TESPA1: variants seen among roughly 807,000 people sequenced by gnomAD.
TESPA1 encodes protein TESPA1.
A neutral mutation model predicts 57.9 loss-of-function variants in TESPA1; 33 were observed. That is an observed-to-expected ratio of 0.57 (90% CI 0.43 to 0.76). TESPA1 has a LOEUF of 0.76. Among genes scored for constraint, TESPA1 ranks in the 30% least tolerant of loss-of-function variants. TESPA1 has a pLI of 0.00. For synonymous variants in TESPA1, 227 were observed against 228.9 expected (o/e 0.99, Z 0.07); for missense variants, 618 against 632.9 (o/e 0.98, Z 0.25).
chr12:54,958,273 T>C (rs530262035), intron 10 of TESPA1, among the ~76,000 whole-genome samples: 1 of 152,306 alleles, frequency 6.6e-6, no homozygotes, highest in East Asian at 1.9e-4. Context: ...AAACAACACT[T>C]AAGCAAAGTG....
rs944392546 is a variant in TESPA1 at position 54,962,431 on chromosome 12, C to T, written c.1467G>A (p.Glu489=). 2 of 1,609,016 alleles carry T rather than the reference C, an allele frequency of 1.2e-6. No homozygotes were observed. The highest frequency in any genetic ancestry group is 1.7e-5 in the Admixed American group (1 of 59,954). Residue 489 remains glutamate (E), a splice_region_variant and synonymous_variant, in exon 9 of 11, where the codon GAG becomes GAA. Transcript: ENST00000449076. ...TCTCCCTCACCTCCAACCCACTTAC[C>T]TCCTCCAAGTCAAAAGTGTCCTGTG... ...QQPQDTFDLE[E]VQSNSEEEQS... is the part of the protein sequence containing the mutation.
At chr12:54,959,809 C>T (rs1445564631) in intron 10 of TESPA1, among the ~76,000 whole-genome samples, 3 of 152,210 alleles carry the variant, frequency 2.0e-5, no homozygotes, top group African/African-American at 7.2e-5. Flanking sequence ...TAGCTCCTAA[C>T]ATGCCAGACC....
intron 4 of TESPA1, among the ~76,000 whole-genome samples, chr12:54,967,469 C>A (rs1414806624): frequency 6.6e-6 from 1 of 151,730 alleles, no homozygotes; most frequent in Non-Finnish European, 1.5e-5. Flanking sequence ...TCACCTATAA[C>A]CTTTCCCCTA....
chr12:54,967,360 T>C, intron 4 of TESPA1, 124 bp from the exon 5 acceptor site: 1 of 1,035,008 alleles, frequency 9.7e-7, no homozygotes, highest in South Asian at 1.4e-5. Context: ...AACCAGATAA[T>C]CATACTAGAT....
chr12:54,962,799 C>T lies in TESPA1; in HGVS notation c.1099G>A (p.Glu367Lys). The change falls in exon 9 of 11, where the codon GAA (glutamate) becomes AAA (lysine). Residue 367 changes from glutamate (E) to lysine (K), a missense_variant. Physicochemically the swap from Glu to Lys is moderately conservative, Grantham distance 56 (BLOSUM62 1). Transcript: ENST00000449076. ...PYPCVFCCEE[E>K]TQQRMSTVLA... Reference sequence around the variant, plus strand: ...ACTGTGGACATCCTCTGCTGTGTTTCCTCTTCACAGCAGAAGACACATGGA... The same window carrying T: ...ACTGTGGACATCCTCTGCTGTGTTTTCTCTTCACAGCAGAAGACACATGGA... 1 of 1,613,876 alleles carries T rather than the reference C, an allele frequency of 6.2e-7. No homozygotes were observed. Among genetic ancestry groups the T allele is most frequent in the Non-Finnish European group, 8.5e-7 (1 of 1,179,884 alleles).
chr12:54,956,405 A>G (rs1398976981), intron 10 of TESPA1, among the ~76,000 whole-genome samples: 3 of 152,246 alleles, frequency 2.0e-5, no homozygotes. Flanking sequence ...AAGAACGACA[A>G]AAAAATAAAA....
rs1462602189 is a variant in TESPA1 at position 54,966,097 on chromosome 12, C to G, written c.402G>C (p.Leu134Phe). 3 of 1,578,686 alleles carry G rather than the reference C, an allele frequency of 1.9e-6. No homozygotes were observed. The highest frequency in any genetic ancestry group is 1.4e-5 in the African/African-American group (1 of 73,992). Residue 134 changes from leucine (L) to phenylalanine (F), a missense_variant, in exon 7 of 11, where the codon TTG becomes TTC. By Grantham distance (22) the Leu-to-Phe change is conservative. Coordinates refer to ENST00000449076, the MANE Select transcript of TESPA1 (RefSeq NM_001136030.3). ...TCCCCCCAGTCATGCTGCTGGAAGC[C>G]AAACTACAGCCAAGATCAAGTAGCT... Reference protein sequence around the residue: ...PCQLLDLGCSLASSSMTGGTN... With the variant: ...PCQLLDLGCSFASSSMTGGTN...
At chr12:54,953,663 G>C (rs1370238217) in intron 10 of TESPA1, among the ~76,000 whole-genome samples, 1 of 151,276 alleles carries the variant, frequency 6.6e-6, no homozygotes, top group South Asian at 2.1e-4. Context: ...GGACTACAGG[G>C]ACCCGCCACT....
intron 10 of TESPA1, among the ~76,000 whole-genome samples, chr12:54,954,762 G>T (rs893757455): frequency 6.6e-6 from 1 of 152,144 alleles, no homozygotes. Context: ...ATATTGCAAG[G>T]CTTCCTTTCT....
intron 2 of TESPA1, 119 bp from the exon 3 acceptor site, chr12:54,973,638 T>G: frequency 6.4e-7 from 1 of 1,551,262 alleles, no homozygotes; most frequent in Non-Finnish European, 8.7e-7. Flanking sequence ...TCTTTTTTTC[T>G]ACATAAAGCT....
Position 54,974,481 on chromosome 12 carries a change from C to T in TESPA1, c.82G>A (p.Val28Ile). The T allele has an allele frequency of 6.2e-7, 1 of 1,605,680 alleles. No individual in the cohort carries two copies. Among genetic ancestry groups the T allele is most frequent in the Non-Finnish European group, 8.5e-7 (1 of 1,176,168 alleles). ...GCGGCGGCAGCCTCCTCTTCTAGGA[C>T]CTGGGTCTGCCAGTTACGGCTCTGA... ...LRQSRNWQTQ[V>I]LEEEAAAALQ... Residue 28 changes from valine (V) to isoleucine (I), a missense_variant, in exon 2 of 11, where the codon GTC (valine) becomes ATC (isoleucine). Val to Ile is a conservative substitution (Grantham distance 29, BLOSUM62 3). Coordinates refer to ENST00000449076, the MANE Select transcript of TESPA1 (RefSeq NM_001136030.3).
Position 54,962,719 on chromosome 12 carries a change from A to G in TESPA1, c.1179T>C (p.His393=). 2.5e-6 allele frequency: 4 copies of G among 1,613,924 alleles called. No individual in the cohort carries two copies. The highest frequency in any genetic ancestry group is 3.4e-6 in the Non-Finnish European group (4 of 1,179,882). Residue 393 remains histidine, a synonymous_variant, in exon 9 of 11, where the codon CAT becomes CAC. Transcript: ENST00000449076. The stretch of plus-strand genomic sequence containing the variant: ...ACTGTGGATCTTCTATGGGCAGAGA[A>G]TGTGTGCAACAGGGTACCTTGGGGT... ...DSNPKVPCCT[H]SLPIEDPQWS...
chr12:54,973,403 G>C, intron 3 of TESPA1, 74 bp downstream of exon 3: 1 of 1,598,688 alleles, frequency 6.3e-7, no homozygotes, highest in Non-Finnish European at 8.6e-7. Flanking sequence ...CCGTCTCTGA[G>C]TTTCCAGGAG....
chr12:54,949,708 C>T lies in TESPA1; in HGVS notation c.*684G>A, dbSNP rs563231048. The T allele has an allele frequency of 5.9e-5, 9 of 152,480 alleles. No individual in the cohort carries two copies. Among genetic ancestry groups the T allele is most frequent in the Non-Finnish European group, 1.3e-4 (9 of 68,034 alleles). The allele number at this position is 152,480 out of a possible 1,614,324, so 9.4% of individuals were successfully genotyped here. ...CCCCCACAATGGCTAGGAGAAGAGACTCTGAATCCTACTTATCTCTTTTTC... is the reference window on the plus strand; with the variant it reads ...CCCCCACAATGGCTAGGAGAAGAGATTCTGAATCCTACTTATCTCTTTTTC... On this transcript the variant is annotated 3_prime_UTR_variant, in exon 11 of 11. Coordinates refer to ENST00000449076, the MANE Select transcript of TESPA1 (RefSeq NM_001136030.3).
chr12:54,966,736 C>A (rs1317539255), intron 5 of TESPA1, among the ~76,000 whole-genome samples: 1 of 152,154 alleles, frequency 6.6e-6, no homozygotes, highest in Non-Finnish European at 1.5e-5. Context: ...GTGTTCCTGT[C>A]CCCCTACACA....
chr12:54,954,703 T>C (rs1005261461), intron 10 of TESPA1, among the ~76,000 whole-genome samples: 4 of 151,776 alleles, frequency 2.6e-5, no homozygotes, highest in Non-Finnish European at 4.4e-5. Context: ...TTGTCTCATA[T>C]AAGTCTTATA....
At chr12:54,952,042 C>T (rs1171672347) in intron 10 of TESPA1, among the ~76,000 whole-genome samples, 1 of 151,942 alleles carries the variant, frequency 6.6e-6, no homozygotes, top group South Asian at 2.1e-4. Flanking sequence ...TAATTGCCAT[C>T]GTGATAGTAT....
rs909183372 is a variant in TESPA1 at position 54,969,212 on chromosome 12, A to G, written c.207-1320T>C. ...TATGAAATAATAGGCAAGCTCATTA[A>G]GAATAGGTAACTCTAATAATGCACC... is the stretch of plus-strand genomic sequence containing the variant. On this transcript the variant is annotated intron_variant, in intron 3 of 10. Transcript: ENST00000449076. Among the ~76,000 whole-genome samples the G allele has an allele frequency of 5.3e-5, 8 of 151,572 alleles. 1 individual carries two copies. The highest frequency in any genetic ancestry group is 3.9e-4 in the Admixed American group (6 of 15,194).
intron 1 of TESPA1, among the ~76,000 whole-genome samples, chr12:54,982,586 A>T (rs903731456): frequency 6.6e-6 from 1 of 152,244 alleles, no homozygotes; most frequent in African/African-American, 2.4e-5. Flanking sequence ...TTGGAAAAAA[A>T]ATTAATCGCT....
Sources: allele counts gnomAD v4.1 joint callset (sites outside exome capture counted in the v4.1 genomes callset), GRCh38; gene constraint gnomAD v4.1.1; transcripts MANE v1.5; gene names NCBI Gene and HGNC (gene_info 2026-07-23, HGNC 2026-07-21).